Variants in KCNU1 observed in about 807,000 individuals in gnomAD.
KCNU1 encodes potassium calcium-activated channel subfamily U member 1, also known as potassium channel subfamily U member 1.
Under a neutral mutation model 126.8 loss-of-function variants are expected in KCNU1, and 93 were observed. That is an observed-to-expected ratio of 0.73 (90% CI 0.62 to 0.87). The LOEUF (loss-of-function observed/expected upper bound fraction) is 0.87, where lower values mean the gene tolerates loss of function less well. Ranked by LOEUF, KCNU1 falls within the 40% of genes least tolerant of loss-of-function variation. KCNU1 has a pLI of 0.00. For missense variants in KCNU1, 1,330 were observed against 1,367.1 expected, an observed-to-expected ratio of 0.97 and a Z score of 0.43; for synonymous variants, 523 against 494.2, an observed-to-expected ratio of 1.06 and a Z score of -0.77.
At position 36,836,291 on chromosome 8, in the gene KCNU1, T is replaced by C; in HGVS notation, c.1296-5T>C. ...GACTAATGAGAGTGTTTGGGGTTTA[T>C]ATAGGGTGCTCTCTATCAAGAACTA... On this transcript the variant is annotated splice_polypyrimidine_tract_variant and splice_region_variant and intron_variant, in intron 12 of 26. Coordinates refer to ENST00000399881, the MANE Select transcript of KCNU1 (RefSeq NM_001031836.3). 1 of 1,591,108 alleles carries C rather than the reference T, an allele frequency of 6.3e-7. No individual in the cohort carries two copies. The highest frequency in any genetic ancestry group is 1.7e-4 in the Middle Eastern group (1 of 6,030).
chr8:36,864,866 C>T (rs1393814241), intron 19 of KCNU1, among the ~76,000 whole-genome samples: 2 of 152,112 alleles, frequency 1.3e-5, no homozygotes, highest in Admixed American at 1.3e-4. Context: ...ATTTCCAATA[C>T]ATTCAAGATG....
intron 7 of KCNU1, among the ~76,000 whole-genome samples, chr8:36,810,393 G>A (rs557695478): frequency 2.0e-5 from 3 of 152,248 alleles, no homozygotes; most frequent in Non-Finnish European, 4.4e-5. Flanking sequence ...ATGTTTCCCT[G>A]CTGGACATCT....
intron 18 of KCNU1, among the ~76,000 whole-genome samples, chr8:36,862,198 T>TAGAC (rs1805756010): frequency 1.3e-5 from 2 of 152,064 alleles, no homozygotes; most frequent in African/African-American, 4.8e-5. Flanking sequence ...GATAGATAGA[T>TAGAC]AGATAATAGA....
chr8:36,926,182 C>G (rs1808524679), intron 24 of KCNU1, among the ~76,000 whole-genome samples: 4 of 152,158 alleles, frequency 2.6e-5, no homozygotes, highest in Admixed American at 2.6e-4. Context: ...GGAAGCTTAG[C>G]TGGGTAAATA....
At chr8:36,883,737 G>A (rs1261878671) in intron 19 of KCNU1, among the ~76,000 whole-genome samples, 1 of 152,194 alleles carries the variant, frequency 6.6e-6, no homozygotes, top group African/African-American at 2.4e-5. Context: ...GCTGCAGTGA[G>A]CTGAGATGAT....
chr8:36,841,703 T>A (rs185663728), intron 16 of KCNU1, among the ~76,000 whole-genome samples: 287 of 151,966 alleles, frequency 1.9e-3, no homozygotes, highest in Non-Finnish European at 2.7e-3. Flanking sequence ...CTCCAAAAAA[T>A]AATTTTAAAA....
intron 24 of KCNU1, chr8:36,922,991 G>A (rs1205038441): frequency 8.5e-6 from 4 of 468,140 alleles, no homozygotes; most frequent in Admixed American, 4.7e-5. Flanking sequence ...AGCTCATGTG[G>A]AAATTGGCCA....
chr8:36,870,178 A>C (rs780880573), intron 19 of KCNU1, among the ~76,000 whole-genome samples: 1 of 152,184 alleles, frequency 6.6e-6, no homozygotes, highest in Non-Finnish European at 1.5e-5. Context: ...TAGTCCATCC[A>C]GAAGGACTGC....
intron 7 of KCNU1, among the ~76,000 whole-genome samples, chr8:36,813,082 A>T (rs1432928831): frequency 6.6e-6 from 1 of 152,180 alleles, no homozygotes; most frequent in Non-Finnish European, 1.5e-5. Context: ...ATGTCTTGGA[A>T]AACAGTGAAG....
At chr8:36,795,456 A>T (rs1563259342) in intron 2 of KCNU1, 1 of 152,496 alleles carries the variant, frequency 6.6e-6, no homozygotes, top group Non-Finnish European at 1.5e-5. Context: ...CGAGGGGCAC[A>T]GGGACTTGGT....
intron 22 of KCNU1, 64 bp from the exon 23 acceptor site, chr8:36,918,759 T>C: frequency 1.0e-6 from 1 of 963,538 alleles, no homozygotes; most frequent in South Asian, 1.4e-5. Flanking sequence ...TATATTCTTC[T>C]ACATTTTTGA....
At chr8:36,818,883 T>C (rs1455868632) in intron 10 of KCNU1, among the ~76,000 whole-genome samples, 1 of 152,226 alleles carries the variant, frequency 6.6e-6, no homozygotes, top group Non-Finnish European at 1.5e-5. Context: ...AGCATCAGTG[T>C]GTCCATCTTT....
At chr8:36,786,434 G>A (rs1238115084) in intron 1 of KCNU1, among the ~76,000 whole-genome samples, 1 of 152,168 alleles carries the variant, frequency 6.6e-6, no homozygotes, top group African/African-American at 2.4e-5. Flanking sequence ...TTATCAAAGA[G>A]TTTTTTAATG....
chr8:36,905,267 C>T (rs1807578118), intron 19 of KCNU1, among the ~76,000 whole-genome samples: 1 of 151,978 alleles, frequency 6.6e-6, no homozygotes, highest in Non-Finnish European at 1.5e-5. Context: ...CAGAAAAATA[C>T]ATGGAAAGGA....
At chr8:36,786,178 G>A (rs1802704175) in intron 1 of KCNU1, among the ~76,000 whole-genome samples, 1 of 151,542 alleles carries the variant, frequency 6.6e-6, no homozygotes, top group South Asian at 2.1e-4. Flanking sequence ...TATTTGGAGA[G>A]TTACAATTTC....
intron 16 of KCNU1, among the ~76,000 whole-genome samples, chr8:36,843,435 G>A (rs1460165548): frequency 2.0e-5 from 3 of 152,190 alleles, no homozygotes; most frequent in African/African-American, 7.2e-5. Context: ...TGTTACATAT[G>A]TTAACTCTTG....
chr8:36,809,036 G>T (rs1393069425), intron 7 of KCNU1, among the ~76,000 whole-genome samples: 1 of 152,074 alleles, frequency 6.6e-6, no homozygotes, highest in Non-Finnish European at 1.5e-5. Flanking sequence ...GAAAGACCTA[G>T]TAAGCTCCAA....
rs1188404511 is a variant in KCNU1 at position 36,787,416 on chromosome 8, G to A, written c.306G>A (p.Gly102=). ...TGCTTTCAGCCCAGACCTTTGTGGG[G>A]CAAGTGTTGGTAAGTACATTTTCAG... ...EMLLSAQTFV[G]QVLVILVFVL... is the part of the protein sequence containing the mutation. The change falls in exon 2 of 27, where the codon GGG becomes GGA. Residue 102 remains glycine (G), a synonymous_variant. Coordinates refer to ENST00000399881, the MANE Select transcript of KCNU1 (RefSeq NM_001031836.3). 2.5e-6 allele frequency: 4 copies of A among 1,608,038 alleles called. No individual in the cohort carries two copies. In the East Asian group the frequency reaches 6.7e-5, roughly 27 times the overall value.
chr8:36,828,726 G>T (rs1205534263), intron 10 of KCNU1, among the ~76,000 whole-genome samples: 1 of 152,000 alleles, frequency 6.6e-6, no homozygotes, highest in East Asian at 1.9e-4. Flanking sequence ...GGCTCCTGGT[G>T]GACACATGAA....
Sources: gnomAD v4.1 joint callset for allele counts (sites outside exome capture counted in the v4.1 genomes callset) on GRCh38, gnomAD v4.1.1 for gene constraint, MANE v1.5 for transcripts, NCBI Gene and HGNC (gene_info 2026-07-23, HGNC 2026-07-21) for gene names.